The following USP11 variants were observed in gnomAD, a reference collection of about 807,000 sequenced individuals.
USP11 encodes the protein ubiquitin specific peptidase 11.
In USP11, 5 loss-of-function variants were observed where a neutral mutation model predicts 72.8. The observed-to-expected ratio is 0.07, with a 90% CI of 0.04 to 0.14. The LOEUF (loss-of-function observed/expected upper bound fraction) is 0.14. USP11 is among the 10% of genes least tolerant of loss of function. USP11 has a pLI of 1.00. For missense variants in USP11, 480 were observed against 794.7 expected (o/e 0.60, Z 4.76); for synonymous variants, 368 against 326.5 (o/e 1.13, Z -1.37).
Position 47,239,388 on chromosome X carries a change from A to G in USP11, c.324A>G (p.Glu108=), listed in dbSNP as rs1226540597. 1 of 1,209,927 alleles carries G rather than the reference A, an allele frequency of 8.3e-7. No homozygotes were observed. The highest frequency in any genetic ancestry group is 1.1e-6 in the Non-Finnish European group (1 of 895,145). ...GGCGCCTCAAGGAGGGACTGGTGGA[A>G]GGCGAGGATTATGTGCTGCTCCCAG... The part of the protein sequence containing the change: ...INWRLKEGLV[E]GEDYVLLPAA... Residue 108 remains glutamate (E), a synonymous_variant, in exon 3 of 21, where the codon GAA becomes GAG. Transcript: ENST00000377107.
rs748093134 is a variant in USP11 at position 47,243,422 on chromosome X, C to T, written c.1610C>T (p.Ala537Val). 1.7e-6 allele frequency: 2 copies of T among 1,211,851 alleles called. No individual in the cohort carries two copies. Among genetic ancestry groups the T allele is most frequent in the Non-Finnish European group, 2.2e-6 (2 of 895,502 alleles). Reference protein sequence around the residue: ...FVYEVSGRIEAIEGSREDIVV... With the variant: ...FVYEVSGRIEVIEGSREDIVV... ...TATGAGGTGTCAGGTCGCATTGAGG[C>T]CATTGAGGGCTCAAGAGAGGACATC... Residue 537 changes from alanine (A) to valine (V), a missense_variant, in exon 13 of 21, where the codon GCC becomes GTC. This residue lies in a region of USP11 where 314 missense variants were observed against 556.0 expected (regional missense o/e 0.56). Transcript: ENST00000377107.
chrX:47,237,786 A>ATGTGTGTGTGTGTGTG (rs763902030), intron 1 of USP11, among the ~76,000 whole-genome samples: 1 of 38,352 alleles, frequency 2.6e-5, no homozygotes, highest in African/African-American at 5.2e-5. Flanking sequence ...GTGTGTGTGT[A>ATGTGTGTGTGTGTGTG]TGTGTGTGTG....
chrX:47,239,893 A>T lies in USP11; in HGVS notation c.521A>T (p.His174Leu), dbSNP rs1023999001. 8.3e-7 allele frequency: 1 copy of T among 1,209,617 alleles called. No individual in the cohort carries two copies. The highest frequency in any genetic ancestry group is 1.1e-6 in the Non-Finnish European group (1 of 894,861). The change falls in exon 4 of 21, where the codon CAT becomes CTT. Residue 174 changes from histidine (H) to leucine (L), a missense_variant. This residue lies in a region of USP11 where 80 missense variants were observed against 100.9 expected (regional missense o/e 0.79). Transcript: ENST00000377107. ...AAATCTCACACTGTTCAGTTCAGCC[A>T]TACCGATTCTATTGGTGAGTCTAAG... ...LGKSHTVQFS[H>L]TDSIGLVLRT...
intron 1 of USP11, chrX:47,233,535 T>G: frequency 1.1e-6 from 1 of 914,374 alleles, no homozygotes; most frequent in Non-Finnish European, 1.4e-6. Flanking sequence ...GGGAAGAAGG[T>G]GGGTTCTGCT....
rs1225411477 is a variant in USP11, at chrX:47,244,839, G to A, written c.2001G>A (p.Arg667=). ...TTGGCACATCTCAGTGGCCCCCAAG[G>A]CGACGACGCAAGCAGCTGTTCACCC... ...NCLGTSQWPP[R]RRRKQLFTLQ... The change falls in exon 15 of 21, where the codon AGG becomes AGA. Residue 667 remains arginine, a synonymous_variant. Coordinates refer to ENST00000377107, the MANE Select transcript of USP11 (RefSeq NM_001371072.1). 8.3e-7 allele frequency: 1 copy of A among 1,209,282 alleles called. No homozygotes were observed.
chrX:47,243,656 G>A lies in USP11; in HGVS notation c.1790+54G>A, dbSNP rs2055415990. The A allele has an allele frequency of 5.3e-6, 6 of 1,121,681 alleles. No homozygotes were observed. The East Asian group carries it at 1.8e-4, about 34-fold the overall frequency. 92.4% of individuals were successfully genotyped at this position (1,121,681 alleles called of 1,213,427 possible). A position where few individuals can be genotyped will look rare whatever the true frequency, so the allele number is the denominator to read the frequency against. Reference sequence around the variant, plus strand: ...GGCGGAGGGGTCTGAACTCCGACTTGGGTGTTTAGCTGCTTATTTGACACC... The same window carrying A: ...GGCGGAGGGGTCTGAACTCCGACTTAGGTGTTTAGCTGCTTATTTGACACC... On this transcript the variant is annotated intron_variant, in intron 13 of 20. Transcript: ENST00000377107.
At chrX:47,233,689 A>G in intron 1 of USP11, 1 of 293,249 alleles carries the variant, frequency 3.4e-6, no homozygotes, top group Admixed American at 9.8e-5. Context: ...GGTCCGAGGG[A>G]GGGAGCGGGG....
rs1339306000 is a variant in USP11 at position 47,242,501 on chromosome X, C to T, written c.1467C>T (p.His489=). 1.7e-6 allele frequency: 2 copies of T among 1,210,383 alleles called. No individual in the cohort carries two copies. Among genetic ancestry groups the T allele is most frequent in the African/African-American group, 3.5e-5 (2 of 57,230 alleles). The change falls in exon 11 of 21, where the codon CAC becomes CAT. Residue 489 remains histidine (H), a synonymous_variant. Transcript: ENST00000377107. ...ISDLCVALSK[H]TGISPERMMV... ...ATCTATGTGTGGCTCTGTCCAAACA[C>T]ACGGGCATCTCGCCAGAGAGGGTGA...
chrX:47,239,507 G>T, intron 3 of USP11, 26 bp downstream of exon 3: 1 of 1,208,524 alleles, frequency 8.3e-7, no homozygotes. Context: ...AGGGTGCATG[G>T]CGGGGAGTGC....
chrX:47,240,059 G>T, intron 4 of USP11, 152 bp downstream of exon 4: 1 of 691,570 alleles, frequency 1.4e-6, no homozygotes. Flanking sequence ...TTGGGTGGAG[G>T]CACTGAGGGG....
Position 47,239,771 on chromosome X carries a change from C to T in USP11, c.418-19C>T. 8.3e-7 allele frequency: 1 copy of T among 1,198,371 alleles called. No homozygotes were observed. Among genetic ancestry groups the T allele is most frequent in the Non-Finnish European group, 1.1e-6 (1 of 883,714 alleles). On this transcript the variant is annotated intron_variant, in intron 3 of 20. Coordinates refer to ENST00000377107, the MANE Select transcript of USP11 (RefSeq NM_001371072.1). ...GTCTGTGTGAGTACACCTGTGTCTG[C>T]ACCCCTCTACTCTTACAGGTCATAG...
intron 8 of USP11, 22 bp downstream of exon 8, chrX:47,241,472 C>CCCCGA: frequency 8.4e-7 from 1 of 1,193,398 alleles, no homozygotes; most frequent in Non-Finnish European, 1.1e-6. Flanking sequence ...CCCTGGGCAC[C>CCCCGA]CCCGACCCCC....
In USP11 at chrX:47,244,893, C is replaced by T. The variant is rs141326845; in HGVS notation, c.2055C>T (p.Ser685=). 4.0e-4 allele frequency: 481 copies of T among 1,209,884 alleles called. No homozygotes were observed. Among genetic ancestry groups the T allele is most frequent in the African/African-American group, 6.0e-4 (34 of 57,084 alleles). ...AGACGGTGAACTCCAATGGGACCAG[C>T]GACCGCACAACCTCCCCTGAAGAAG... ...TLQTVNSNGT[S]DRTTSPEEVH... The change falls in exon 15 of 21, where the codon AGC becomes AGT. Residue 685 remains serine, a synonymous_variant. Transcript: ENST00000377107.
chrX:47,236,703 A>C (rs2147349106), intron 1 of USP11, among the ~76,000 whole-genome samples: 1 of 112,505 alleles, frequency 8.9e-6, no homozygotes, highest in African/African-American at 3.2e-5. Flanking sequence ...CATTTCAACA[A>C]ATTTGAGGAA....
At position 47,244,841 on chromosome X, in the gene USP11, G is replaced by A. The variant is rs2055423618; in HGVS notation, c.2003G>A (p.Arg668Gln). Reference sequence around the variant, plus strand: ...GGCACATCTCAGTGGCCCCCAAGGCGACGACGCAAGCAGCTGTTCACCCTG... The same window carrying A: ...GGCACATCTCAGTGGCCCCCAAGGCAACGACGCAAGCAGCTGTTCACCCTG... ...CLGTSQWPPR[R>Q]RRKQLFTLQT... Residue 668 changes from arginine (R) to glutamine (Q), a missense_variant, in exon 15 of 21, where the codon CGA becomes CAA. This residue lies in a region of USP11 where 314 missense variants were observed against 556.0 expected (regional missense o/e 0.56). Coordinates refer to ENST00000377107, the MANE Select transcript of USP11 (RefSeq NM_001371072.1). 8.3e-7 allele frequency: 1 copy of A among 1,211,400 alleles called. No homozygotes were observed. Among genetic ancestry groups the A allele is most frequent in the South Asian group, 1.8e-5 (1 of 56,955 alleles).
At chrX:47,245,333 C>A in intron 16 of USP11, 37 bp from the exon 17 acceptor site, 1 of 1,153,179 alleles carries the variant, frequency 8.7e-7, no homozygotes, top group Non-Finnish European at 1.2e-6. Context: ...TCTGTCCTCA[C>A]AGCCGGCCAT....
chrX:47,234,507 G>A (rs1047151705), intron 1 of USP11, among the ~76,000 whole-genome samples: 16 of 111,442 alleles, frequency 1.4e-4, no homozygotes, highest in Non-Finnish European at 2.8e-4. Context: ...TTGTTTATAG[G>A]AAATACTGAA....
intron 17 of USP11, among the ~76,000 whole-genome samples, chrX:47,245,883 C>G (rs2055430255): frequency 9.0e-6 from 1 of 111,352 alleles, no homozygotes; most frequent in African/African-American, 3.3e-5. Context: ...CCTCCCTCCT[C>G]CACACTCAAA....
chrX:47,236,492 CACA>C (rs1369549091), intron 1 of USP11, among the ~76,000 whole-genome samples: 1 of 112,157 alleles, frequency 8.9e-6, no homozygotes, highest in Non-Finnish European at 1.9e-5. Flanking sequence ...ATTTGGTCAT[CACA>C]ACTGATTTAA....
Sources: allele counts gnomAD v4.1 joint callset (sites outside exome capture counted in the v4.1 genomes callset), GRCh38; gene constraint gnomAD v4.1.1; regional missense constraint gnomAD v4.1.1; transcripts MANE v1.5; gene names NCBI Gene and HGNC (gene_info 2026-07-23, HGNC 2026-07-21).